KCNAB1: variants seen among roughly 807,000 people sequenced by gnomAD.
The protein encoded by KCNAB1 is voltage-gated potassium channel subunit beta-1.
KCNAB1 carries 35 observed loss-of-function variants against 64.6 expected under a neutral mutation model. The observed-to-expected ratio is 0.54, with a 90% confidence interval of 0.41 to 0.72. The LOEUF (loss-of-function observed/expected upper bound fraction) is 0.72, where lower values mean the gene tolerates loss of function less well. Ranked by LOEUF, KCNAB1 falls within the 30% of genes least tolerant of loss-of-function variation. The pLI is 0.00. For synonymous variants in KCNAB1, 177 were observed against 183.8 expected (o/e 0.96, Z 0.30); for missense variants, 401 against 512.9 (o/e 0.78, Z 2.11).
At chr3:156,428,313 C>A (rs1039951121) in intron 2 of KCNAB1, among the ~76,000 whole-genome samples, 1 of 152,146 alleles carries the variant, frequency 6.6e-6, no homozygotes, top group Admixed American at 6.5e-5. Flanking sequence ...GGACATTGAT[C>A]TTTTCTTGCC....
intron 12 of KCNAB1, 25 bp from the exon 13 acceptor site, chr3:156,531,384 C>T (rs1412646534): frequency 5.8e-6 from 9 of 1,563,362 alleles, no homozygotes; most frequent in Non-Finnish European, 7.1e-6. Flanking sequence ...CTTTGATAAA[C>T]TGACCCAGTG....
At chr3:156,186,848 CTT>C (rs11293662) in intron 1 of KCNAB1, among the ~76,000 whole-genome samples, 132 of 142,542 alleles carry the variant, frequency 9.3e-4, no homozygotes, top group Non-Finnish European at 1.0e-3. Context: ...TCCTTAGCAT[CTT>C]TTTTTTTTTT....
At chr3:156,453,104 AT>A in intron 3 of KCNAB1, 168 bp downstream of exon 3, 3 of 491,170 alleles carry the variant, frequency 6.1e-6, no homozygotes, top group Non-Finnish European at 3.6e-6. Context: ...TTCCTGTTGT[AT>A]TTTTTACATT....
At chr3:156,146,114 A>G (rs567750827) in intron 1 of KCNAB1, among the ~76,000 whole-genome samples, 51 of 152,194 alleles carry the variant, frequency 3.4e-4, no homozygotes, top group African/African-American at 1.1e-3. Flanking sequence ...TTCCATGGAG[A>G]CTTCGTTTTA....
At chr3:156,155,175 C>CT (rs1259000402) in intron 1 of KCNAB1, among the ~76,000 whole-genome samples, 4 of 152,120 alleles carry the variant, frequency 2.6e-5, no homozygotes, top group African/African-American at 4.8e-5. Flanking sequence ...TTTTGGTACA[C>CT]TATCTATTTT....
intron 8 of KCNAB1, among the ~76,000 whole-genome samples, chr3:156,512,021 C>A (rs534972245): frequency 2.6e-4 from 39 of 152,302 alleles, no homozygotes; most frequent in African/African-American, 8.7e-4. Flanking sequence ...CTTTTTTATG[C>A]CTAAACATGA....
chr3:156,288,082 C>T (rs922312334), intron 1 of KCNAB1, among the ~76,000 whole-genome samples: 2 of 152,192 alleles, frequency 1.3e-5, no homozygotes, highest in African/African-American at 4.8e-5. Context: ...GATCAAGGTA[C>T]TTGCAGCATT....
intron 8 of KCNAB1, among the ~76,000 whole-genome samples, chr3:156,484,648 A>G (rs146671890): frequency 2.7e-4 from 41 of 152,198 alleles, no homozygotes; most frequent in African/African-American, 8.9e-4. Context: ...GACTAACATG[A>G]CTTAGCAGCA....
At chr3:156,401,217 CAG>C (rs1231996970) in intron 1 of KCNAB1, among the ~76,000 whole-genome samples, 4 of 152,164 alleles carry the variant, frequency 2.6e-5, no homozygotes, top group African/African-American at 9.7e-5. Context: ...AGAATGTAAA[CAG>C]AAACAAGTGT....
At chr3:156,408,473 G>A (rs1316769817) in intron 1 of KCNAB1, among the ~76,000 whole-genome samples, 2 of 152,272 alleles carry the variant, frequency 1.3e-5, no homozygotes, top group East Asian at 3.9e-4. Flanking sequence ...TTCTGTGTAT[G>A]AATGGTGTAT....
chr3:156,171,974 TA>T (rs1560118833), intron 1 of KCNAB1, among the ~76,000 whole-genome samples: 1 of 152,214 alleles, frequency 6.6e-6, no homozygotes, highest in Admixed American at 6.5e-5. Context: ...GGGTGTTCTT[TA>T]ATGAGAAATC....
intron 1 of KCNAB1, among the ~76,000 whole-genome samples, chr3:156,207,944 A>C (rs1010056177): frequency 6.6e-6 from 1 of 152,152 alleles, no homozygotes; most frequent in Non-Finnish European, 1.5e-5. Context: ...TCTCCAAACA[A>C]CTCAGCTTCT....
chr3:156,481,584 C>T (rs541807367), intron 8 of KCNAB1, among the ~76,000 whole-genome samples: 23 of 152,146 alleles, frequency 1.5e-4, no homozygotes, highest in East Asian at 3.9e-4. Flanking sequence ...TTATTTCATC[C>T]GTCCTAAGAA....
At chr3:156,179,712 C>A (rs186659017) in intron 1 of KCNAB1, among the ~76,000 whole-genome samples, 16 of 152,322 alleles carry the variant, frequency 1.1e-4, no homozygotes, top group African/African-American at 3.1e-4. Flanking sequence ...GATGAGACTA[C>A]ATATTGCTCT....
chr3:156,254,958 G>A lies in KCNAB1; in HGVS notation c.275+134072G>A, dbSNP rs568567862. ...TTGCCCAGATAAAAAGGAAACTTCA[G>A]TGAATTTTATTGCAACAGCAGAATG... On this transcript the variant is annotated intron_variant, in intron 1 of 13. Coordinates refer to ENST00000490337, the MANE Select transcript of KCNAB1 (RefSeq NM_172160.3). Among the ~76,000 whole-genome samples, 12 of 152,274 alleles carry A rather than the reference G, an allele frequency of 7.9e-5. No individual in the cohort carries two copies. The South Asian group carries it at 2.3e-3, about 29-fold the overall frequency.
At chr3:156,494,021 T>G (rs1715826436) in intron 8 of KCNAB1, among the ~76,000 whole-genome samples, 2 of 152,116 alleles carry the variant, frequency 1.3e-5, no homozygotes, top group Non-Finnish European at 2.9e-5. Flanking sequence ...GGAGATACAT[T>G]GAAACTATGC....
At chr3:156,427,308 G>A (rs1715886917) in intron 2 of KCNAB1, among the ~76,000 whole-genome samples, 1 of 150,472 alleles carries the variant, frequency 6.6e-6, no homozygotes, top group Non-Finnish European at 1.5e-5. Flanking sequence ...TCTCTAGGCT[G>A]GAAATACAGA....
At chr3:156,188,908 C>T (rs983077680) in intron 1 of KCNAB1, among the ~76,000 whole-genome samples, 1 of 152,180 alleles carries the variant, frequency 6.6e-6, no homozygotes, top group Admixed American at 6.5e-5. Flanking sequence ...CAGAGAACTC[C>T]TTGCCCACTG....
intron 1 of KCNAB1, among the ~76,000 whole-genome samples, chr3:156,228,500 G>A (rs114706779): frequency 0.021 from 3,128 of 152,168 alleles, 136 homozygotes; most frequent in African/African-American, 0.071. Context: ...TTCACACAGC[G>A]TCTGCTGTTT....
Sources: allele counts gnomAD v4.1 joint callset (sites outside exome capture counted in the v4.1 genomes callset), GRCh38; gene constraint gnomAD v4.1.1; transcripts MANE v1.5; gene names NCBI Gene and HGNC (gene_info 2026-07-23, HGNC 2026-07-21).